The following BDP1 variants were observed in gnomAD, a reference collection of about 807,000 sequenced individuals.
BDP1 encodes transcription factor TFIIIB component B'' homolog.
Under a neutral mutation model 266.6 loss-of-function variants are expected in BDP1, and 169 were observed. The ratio of observed to expected loss-of-function variants is 0.63; its 90% confidence interval spans 0.56 to 0.72. The LOEUF is 0.72. Among genes scored for constraint, BDP1 ranks in the 30% least tolerant of loss-of-function variants. BDP1 has a pLI of 0.00. For missense variants in BDP1, 3,015 were observed against 3,053.8 expected, an observed-to-expected ratio of 0.99 and a Z score of 0.30; for synonymous variants, 1,090 against 1,022.4, an observed-to-expected ratio of 1.07 and a Z score of -1.26.
intron 30 of BDP1, among the ~76,000 whole-genome samples, chr5:71,543,197 C>T (rs1767075746): frequency 6.6e-6 from 1 of 152,162 alleles, no homozygotes; most frequent in Non-Finnish European, 1.5e-5. Flanking sequence ...GGGAGTATCA[C>T]CTGAGCCTGG....
In BDP1 at chr5:71,515,039, C is replaced by G; in HGVS notation, c.4566C>G (p.Asn1522Lys). The G allele has an allele frequency of 6.2e-7, 1 of 1,612,968 alleles. No individual in the cohort carries two copies. Among genetic ancestry groups the G allele is most frequent in the Non-Finnish European group, 8.5e-7 (1 of 1,179,496 alleles). Reference protein sequence around the residue: ...VILPCTQTERNLSPSNSCEPK... With the variant: ...VILPCTQTERKLSPSNSCEPK... ...TGCCATGTACACAGACTGAAAGGAA[C>G]CTTTCACCTTCAAATTCTTGTGAAC... The change falls in exon 20 of 39, where the codon AAC becomes AAG. Residue 1522 changes from asparagine to lysine, a missense_variant. Physicochemically the swap from Asn to Lys is moderately conservative, Grantham distance 94. Coordinates refer to ENST00000358731, the MANE Select transcript of BDP1 (RefSeq NM_018429.3).
chr5:71,486,355 T>C, intron 8 of BDP1, 129 bp from the exon 9 acceptor site: 1 of 689,708 alleles, frequency 1.4e-6, no homozygotes, highest in Non-Finnish European at 2.3e-6. Flanking sequence ...GGTGTTCTGT[T>C]GTGTATTTGT....
Position 71,464,106 on chromosome 5 carries a change from C to G in BDP1, c.648C>G (p.Val216=), listed in dbSNP as rs776115711. Residue 216 remains valine, a synonymous_variant, in exon 4 of 39, where the codon GTC becomes GTG. Coordinates refer to ENST00000358731, the MANE Select transcript of BDP1 (RefSeq NM_018429.3). The stretch of plus-strand genomic sequence containing the variant: ...AAACTGAAAAGCCATCGACTCCAGT[C>G]CAGACAAGAGAGTAAGTATTTTATT... The part of the protein sequence containing the change: ...EKKTEKPSTP[V]QTREQEGKST... 1.4e-5 allele frequency: 22 copies of G among 1,573,110 alleles called. No homozygotes were observed. Among genetic ancestry groups the G allele is most frequent in the Non-Finnish European group, 1.9e-5 (22 of 1,156,186 alleles).
intron 34 of BDP1, among the ~76,000 whole-genome samples, chr5:71,550,405 G>C (rs1048402479): frequency 1.3e-5 from 2 of 151,802 alleles, no homozygotes; most frequent in Admixed American, 6.6e-5. Flanking sequence ...TCATGCCTCA[G>C]CCTTTCAAGT....
intron 26 of BDP1, among the ~76,000 whole-genome samples, chr5:71,534,861 G>C (rs1034744575): frequency 6.6e-6 from 1 of 152,064 alleles, no homozygotes; most frequent in Non-Finnish European, 1.5e-5. Context: ...GGCTGGTCTC[G>C]AACTCCTGAT....
chr5:71,510,962 TAGAG>T lies in BDP1; in HGVS notation c.3877_3880del (p.Arg1293AspfsTer15), dbSNP rs776007071. ...TGAAAGAAACTGGAAAAGAAAATTT[TAGAG>T]AGAGAGGATCTGAAGAGATCTGTGT... On this transcript the variant is annotated frameshift_variant, in exon 17 of 39. Coordinates refer to ENST00000358731, the MANE Select transcript of BDP1 (RefSeq NM_018429.3). LOFTEE classifies it high-confidence loss of function. 3 of 1,613,894 alleles carry T rather than the reference TAGAG, an allele frequency of 1.9e-6. No homozygotes were observed. Among genetic ancestry groups the T allele is most frequent in the South Asian group, 2.2e-5 (2 of 91,074 alleles).
At chr5:71,537,494 G>A (rs1025087658) in intron 26 of BDP1, among the ~76,000 whole-genome samples, 1 of 152,184 alleles carries the variant, frequency 6.6e-6, no homozygotes, top group Non-Finnish European at 1.5e-5. Flanking sequence ...CCTCTGGAAT[G>A]TACAAGAAGG....
intron 22 of BDP1, among the ~76,000 whole-genome samples, chr5:71,518,267 A>G (rs900844238): frequency 2.0e-5 from 3 of 152,196 alleles, no homozygotes; most frequent in African/African-American, 4.8e-5. Context: ...TGTTTTCAGC[A>G]CTTATGAATA....
Position 71,544,459 on chromosome 5 carries a change from A to G in BDP1, c.6515A>G (p.His2172Arg), listed in dbSNP as rs1337920295. 29 of 1,614,074 alleles carry G rather than the reference A, an allele frequency of 1.8e-5. No homozygotes were observed. The highest frequency in any genetic ancestry group is 6.7e-5 in the East Asian group (3 of 44,892). ...GATCAGAGCAAATTGGCATGTGTAC[A>G]TGGTATCAAAGGGACCAGTATTTCT... The part of the protein sequence containing the change: ...NKDQSKLACV[H>R]GIKGTSISSE... The change falls in exon 31 of 39, where the codon CAT becomes CGT. Residue 2172 changes from histidine to arginine, a missense_variant. His to Arg is a conservative substitution (Grantham distance 29). Coordinates refer to ENST00000358731, the MANE Select transcript of BDP1 (RefSeq NM_018429.3).
chr5:71,544,629 C>T lies in BDP1; in HGVS notation c.6563+122C>T, dbSNP rs531748525. 89 of 1,056,842 alleles carry T rather than the reference C, an allele frequency of 8.4e-5. No homozygotes were observed. In the Admixed American group the frequency reaches 9.8e-4, roughly 12 times the overall value. The allele number at this position is 1,056,842 out of a possible 1,614,324, so 65.5% of individuals were successfully genotyped here. A position where few individuals can be genotyped will look rare whatever the true frequency, so the allele number is the denominator to read the frequency against. The stretch of plus-strand genomic sequence containing the variant: ...GCACGGTGGCTCACGCCTGTAATCC[C>T]GGCACTTTGGGAGGCCAAGACGGGA... On this transcript the variant is annotated intron_variant, in intron 31 of 38. Coordinates refer to ENST00000358731, the MANE Select transcript of BDP1 (RefSeq NM_018429.3).
At chr5:71,501,356 A>T (rs954926305) in intron 13 of BDP1, among the ~76,000 whole-genome samples, 1 of 152,088 alleles carries the variant, frequency 6.6e-6, no homozygotes, top group Non-Finnish European at 1.5e-5. Flanking sequence ...TTTGTATTTT[A>T]GTAGAGACAG....
intron 25 of BDP1, among the ~76,000 whole-genome samples, chr5:71,524,889 A>G (rs1394006232): frequency 1.5e-4 from 23 of 151,292 alleles, no homozygotes; most frequent in East Asian, 5.8e-4. Context: ...ATCTTGCACC[A>G]CCCTTAATCC....
chr5:71,476,764 C>T (rs543037521), intron 7 of BDP1, among the ~76,000 whole-genome samples: 3 of 151,998 alleles, frequency 2.0e-5, no homozygotes, highest in African/African-American at 7.2e-5. Context: ...AGTGCAGTGG[C>T]GCGGTCTAGG....
At chr5:71,462,904 G>A (rs1299215731) in intron 3 of BDP1, among the ~76,000 whole-genome samples, 1 of 152,084 alleles carries the variant, frequency 6.6e-6, no homozygotes, top group Admixed American at 6.5e-5. Flanking sequence ...AGGCCAAGGC[G>A]AGAGAATTGC....
intron 30 of BDP1, 130 bp from the exon 31 acceptor site, chr5:71,544,226 AT>A: frequency 1.3e-6 from 1 of 787,222 alleles, no homozygotes; most frequent in Non-Finnish European, 2.0e-6. Context: ...TATAAGCCTG[AT>A]TTGTGGAATA....
intron 10 of BDP1, among the ~76,000 whole-genome samples, chr5:71,490,118 G>A (rs2150410147): frequency 1.3e-5 from 2 of 152,224 alleles, no homozygotes; most frequent in South Asian, 4.2e-4. Flanking sequence ...CTCTTTGAAT[G>A]CAAACATATT....
At chr5:71,476,910 A>G (rs1047969033) in intron 7 of BDP1, among the ~76,000 whole-genome samples, 27 of 152,096 alleles carry the variant, frequency 1.8e-4, no homozygotes, top group African/African-American at 6.5e-4. Context: ...TCACCCTGTT[A>G]GCCAGGATGG....
chr5:71,553,057 A>C, intron 34 of BDP1, 59 bp from the exon 35 acceptor site: 1 of 1,380,636 alleles, frequency 7.2e-7, no homozygotes, highest in Non-Finnish European at 9.9e-7. Flanking sequence ...TCCTTTAAAA[A>C]AAAAAGTGTT....
chr5:71,563,627 T>G (rs1743832111), intron 38 of BDP1, among the ~76,000 whole-genome samples: 1 of 152,164 alleles, frequency 6.6e-6, no homozygotes, highest in South Asian at 2.1e-4. Flanking sequence ...AAGGTACTCT[T>G]CCCAGCTGGG....
Sources: allele counts gnomAD v4.1 joint callset (sites outside exome capture counted in the v4.1 genomes callset), GRCh38; gene constraint gnomAD v4.1.1; transcripts MANE v1.5; gene names NCBI Gene and HGNC (gene_info 2026-07-23, HGNC 2026-07-21).